Variants in MAP2K6 observed in about 807,000 individuals in gnomAD.
MAP2K6 encodes the protein mitogen-activated protein kinase kinase 6, also known as dual specificity mitogen-activated protein kinase kinase 6.
MAP2K6 carries 16 observed loss-of-function variants against 53.7 expected under a neutral mutation model. The ratio of observed to expected loss-of-function variants is 0.30; its 90% CI spans 0.20 to 0.45. The LOEUF (loss-of-function observed/expected upper bound fraction) is 0.45. Ranked by LOEUF, MAP2K6 falls within the 20% of genes least tolerant of loss-of-function variation. The pLI, the probability that MAP2K6 is intolerant of heterozygous loss-of-function variation, is 1.00. For missense variants in MAP2K6, 204 were observed against 411.9 expected, an observed-to-expected ratio of 0.50 and a Z score of 4.37; for synonymous variants, 132 against 143.1, an observed-to-expected ratio of 0.92 and a Z score of 0.55.
chr17:69,499,113 A>C (rs749804903), intron 1 of MAP2K6, among the ~76,000 whole-genome samples: 2 of 152,244 alleles, frequency 1.3e-5, no homozygotes, highest in African/African-American at 4.8e-5. Flanking sequence ...TCCTGAGTCT[A>C]TAGACCTGGA....
Position 69,505,856 on chromosome 17 carries a change from C to T in MAP2K6, c.83+10C>T, listed in dbSNP as rs762296080. On this transcript the variant is annotated intron_variant, in intron 2 of 11. Coordinates refer to ENST00000590474, the MANE Select transcript of MAP2K6 (RefSeq NM_002758.4). ...CTCAGACCAGTTCCACGTAAGTTGA[C>T]AAGACCATCATCTGAATCCAAATCC... is the stretch of plus-strand genomic sequence containing the variant. The T allele has an allele frequency of 2.9e-5, 46 of 1,611,174 alleles. No homozygotes were observed. Among genetic ancestry groups the T allele is most frequent in the Non-Finnish European group, 3.9e-5 (46 of 1,177,794 alleles).
At chr17:69,448,239 TTTTTG>T (rs1191488391) in intron 1 of MAP2K6, among the ~76,000 whole-genome samples, 4 of 115,590 alleles carry the variant, frequency 3.5e-5, no homozygotes, top group African/African-American at 1.3e-4. Context: ...TATGGTTTTG[TTTTTG>T]TTTTTTTTTT....
chr17:69,516,954 T>A, intron 3 of MAP2K6, 51 bp downstream of exon 3: 1 of 1,386,466 alleles, frequency 7.2e-7, no homozygotes, highest in Middle Eastern at 1.8e-4. Context: ...TTTATATGTA[T>A]GCTTTCTGAC....
Position 69,552,083 on chromosome 17 carries a change from G to A in MAP2K6, c.*10330G>A, listed in dbSNP as rs1912122530. The stretch of plus-strand genomic sequence containing the variant: ...ACAACAACACGTTTTCTTACCTTCT[G>A]TAAATTTTGTGATAGACACATGTTA... On this transcript the variant is annotated 3_prime_UTR_variant, in exon 12 of 12. Coordinates refer to ENST00000590474, the MANE Select transcript of MAP2K6 (RefSeq NM_002758.4). 1 of 152,182 alleles carries A rather than the reference G, an allele frequency of 6.6e-6. No individual in the cohort carries two copies. Among genetic ancestry groups the A allele is most frequent in the African/African-American group, 2.4e-5 (1 of 41,436 alleles). 9.4% of individuals were successfully genotyped at this position (152,182 alleles called of 1,614,324 possible).
chr17:69,494,538 C>T lies in MAP2K6; in HGVS notation c.17-11242C>T, dbSNP rs947559861. On this transcript the variant is annotated intron_variant, in intron 1 of 11. Coordinates refer to ENST00000590474, the MANE Select transcript of MAP2K6 (RefSeq NM_002758.4). The surrounding 1 kb of genome is among the most constrained non-coding windows in gnomAD (Gnocchi z 4.2). Reference sequence around the variant, plus strand: ...AGGAAAAAACAAAATGAATGGAGAGCCCCTGGATTAAAAGGGAAATAAGAC... The same window carrying T: ...AGGAAAAAACAAAATGAATGGAGAGTCCCTGGATTAAAAGGGAAATAAGAC... Among the ~76,000 whole-genome samples the T allele has an allele frequency of 2.0e-5, 3 of 151,648 alleles. No homozygotes were observed. The highest frequency in any genetic ancestry group is 7.3e-5 in the African/African-American group (3 of 41,296).
At chr17:69,502,398 G>C in intron 1 of MAP2K6, 1 of 985,438 alleles carries the variant, frequency 1.0e-6, no homozygotes, top group Non-Finnish European at 1.2e-6. Context: ...TTACTGTGCT[G>C]CTCTGTCAGA....
Position 69,526,725 on chromosome 17 carries a change from C to T in MAP2K6, c.881+16C>T. ...CCTCACAGTGGTAAGACAGCCTCAC[C>T]TCCCAAGTGTCAGTGTGAAAGAAGA... is the stretch of plus-strand genomic sequence containing the variant. On this transcript the variant is annotated intron_variant, in intron 10 of 11. Coordinates refer to ENST00000590474, the MANE Select transcript of MAP2K6 (RefSeq NM_002758.4). 1 of 1,608,226 alleles carries T rather than the reference C, an allele frequency of 6.2e-7. No homozygotes were observed. The highest frequency in any genetic ancestry group is 1.3e-5 in the African/African-American group (1 of 74,824).
rs1908872114 is a variant in MAP2K6 at position 69,494,595 on chromosome 17, G to A, written c.17-11185G>A. Among the ~76,000 whole-genome samples, 1 of 152,178 alleles carries A rather than the reference G, an allele frequency of 6.6e-6. No homozygotes were observed. Among genetic ancestry groups the A allele is most frequent in the Admixed American group, 6.5e-5 (1 of 15,276 alleles). On this transcript the variant is annotated intron_variant, in intron 1 of 11. Transcript: ENST00000590474. This position sits in a 1 kb window ranked among gnomAD's most constrained non-coding sequence, Gnocchi z 4.2. ...CTGATAGCATTCTAGGGGAGGAGTT[G>A]CAGATGAAGAACGTTCCTTTGTTTC...
intron 1 of MAP2K6, among the ~76,000 whole-genome samples, chr17:69,498,972 A>G (rs2145211692): frequency 6.6e-6 from 1 of 152,192 alleles, no homozygotes. Context: ...AATCTGGTGG[A>G]GTGTGGTATT....
chr17:69,529,053 G>A (rs1464609092), intron 10 of MAP2K6, among the ~76,000 whole-genome samples: 2 of 151,912 alleles, frequency 1.3e-5, no homozygotes, highest in Non-Finnish European at 2.9e-5. Flanking sequence ...TGGTAAGAAC[G>A]AGGCTGGTGT....
At chr17:69,505,576 G>T (rs1351634426) in intron 1 of MAP2K6, 7 of 484,544 alleles carry the variant, frequency 1.4e-5, no homozygotes, top group South Asian at 1.2e-4. Flanking sequence ...CCTCATTCAT[G>T]ACCACAGTCT....
intron 1 of MAP2K6, among the ~76,000 whole-genome samples, chr17:69,467,489 C>T (rs1907851865): frequency 6.6e-6 from 1 of 152,118 alleles, no homozygotes; most frequent in African/African-American, 2.4e-5. Flanking sequence ...TGTGAAATGC[C>T]ATTGTGGTGA....
At chr17:69,528,930 G>C (rs1289070783) in intron 10 of MAP2K6, among the ~76,000 whole-genome samples, 1 of 151,350 alleles carries the variant, frequency 6.6e-6, no homozygotes, top group Non-Finnish European at 1.5e-5. Context: ...GTTCTCAAGA[G>C]GGGTGGTAAT....
At chr17:69,519,477 A>G (rs1910353502) in intron 5 of MAP2K6, 45 bp downstream of exon 5, 1 of 1,607,550 alleles carries the variant, frequency 6.2e-7, no homozygotes, top group Non-Finnish European at 8.5e-7. Flanking sequence ...CAATAACTTA[A>G]AAAGAAGTTT....
At position 69,549,737 on chromosome 17, in the gene MAP2K6, C is replaced by T. The variant is rs1292942853; in HGVS notation, c.*7984C>T. On this transcript the variant is annotated 3_prime_UTR_variant, in exon 12 of 12. Transcript: ENST00000590474. ...GTATCTGATTTCACTAAGTAATATT[C>T]TATTGTGGTCAGAAATGGGTAATTT... 1 of 152,062 alleles carries T rather than the reference C, an allele frequency of 6.6e-6. No homozygotes were observed. The highest frequency in any genetic ancestry group is 2.4e-5 in the African/African-American group (1 of 41,410). 9.4% of individuals were successfully genotyped at this position (152,062 alleles called of 1,614,324 possible).
At chr17:69,478,330 T>G (rs558345513) in intron 1 of MAP2K6, among the ~76,000 whole-genome samples, 1 of 152,324 alleles carries the variant, frequency 6.6e-6, no homozygotes, top group Non-Finnish European at 1.5e-5. Context: ...GTGTCCTTCT[T>G]GTAGCCTCTG....
At chr17:69,531,632 A>C (rs1180139479) in intron 10 of MAP2K6, among the ~76,000 whole-genome samples, 1 of 152,214 alleles carries the variant, frequency 6.6e-6, no homozygotes, top group African/African-American at 2.4e-5. Context: ...ACATCTGACA[A>C]ATGTTATCTT....
intron 1 of MAP2K6, among the ~76,000 whole-genome samples, chr17:69,496,172 C>T (rs377580940): frequency 2.2e-4 from 34 of 151,942 alleles, no homozygotes; most frequent in South Asian, 6.2e-4. Context: ...TCCCAATTAG[C>T]GGATGGACAG....
At chr17:69,489,220 C>T (rs1205795636) in intron 1 of MAP2K6, among the ~76,000 whole-genome samples, 1 of 62,646 alleles carries the variant, frequency 1.6e-5, no homozygotes, top group Non-Finnish European at 3.1e-5. Flanking sequence ...AACTCTGTCT[C>T]AAAAAAAAAA....
Sources: gnomAD v4.1 joint callset for allele counts (sites outside exome capture counted in the v4.1 genomes callset) on GRCh38, gnomAD v4.1.1 for gene constraint, Gnocchi (gnomAD v3.1) non-coding constraint, MANE v1.5 for transcripts, NCBI Gene and HGNC (gene_info 2026-07-23, HGNC 2026-07-21) for gene names.